Variants in NXPE4 observed in about 807,000 individuals in gnomAD.
NXPE4 encodes the protein NXPE family member 4.
In NXPE4, 42 loss-of-function variants were observed where a neutral mutation model predicts 33.3. The ratio of observed to expected loss-of-function variants is 1.26; its 90% CI spans 0.98 to 1.63. The LOEUF (loss-of-function observed/expected upper bound fraction) is 1.63, where lower values mean the gene tolerates loss of function less well. Ranked by LOEUF, NXPE4 falls within the 40% of genes most tolerant of loss-of-function variation. The probability of loss-of-function intolerance (pLI) is 0.00; values close to 1 mark genes in which losing one functional copy is unlikely to be tolerated. For missense variants in NXPE4, 709 were observed against 647.6 expected (o/e 1.09, Z -1.03); for synonymous variants, 253 against 234.9 (o/e 1.08, Z -0.71).
At chr11:114,651,691 C>T in the NXPE4 span, among the ~76,000 whole-genome samples, 2 of 152,140 alleles carry the variant, frequency 1.3e-5, no homozygotes, top group Admixed American at 6.5e-5. Flanking sequence ...TCTGTTTTTA[C>T]AGAGTGTTGA....
At position 114,582,632 on chromosome 11, in the gene NXPE4, G is replaced by T. The variant is rs1565333264; in HGVS notation, c.486C>A (p.Thr162=). The change falls in exon 3 of 6, where the codon ACC becomes ACA. Residue 162 remains threonine, a synonymous_variant. Coordinates refer to ENST00000375478, the MANE Select transcript of NXPE4 (RefSeq NM_001077639.2). ...AGAACAGAGTGAAGCTGACCAGGTAGGTGCCGTTGTTGAAGTCAGTCACCT... is the reference window on the plus strand; with the variant it reads ...AGAACAGAGTGAAGCTGACCAGGTATGTGCCGTTGTTGAAGTCAGTCACCT... ...SGKVTDFNNG[T]YLVSFTLFWE... 1 of 1,614,180 alleles carries T rather than the reference G, an allele frequency of 6.2e-7. No homozygotes were observed. Among genetic ancestry groups the T allele is most frequent in the Non-Finnish European group, 8.5e-7 (1 of 1,180,024 alleles).
At chr11:114,582,010 A>G (rs971480039) in intron 3 of NXPE4, among the ~76,000 whole-genome samples, 4 of 152,248 alleles carry the variant, frequency 2.6e-5, no homozygotes, top group African/African-American at 9.6e-5. Context: ...GAAATAATGT[A>G]TTAGAGCACA....
At chr11:114,657,458 A>T in the NXPE4 span, among the ~76,000 whole-genome samples, 1 of 152,230 alleles carries the variant, frequency 6.6e-6, no homozygotes, top group African/African-American at 2.4e-5. Flanking sequence ...TAACAATGGA[A>T]ATCACAGTAT....
the NXPE4 span, among the ~76,000 whole-genome samples, chr11:114,663,683 T>TATCTATCC: frequency 7.7e-6 from 1 of 130,672 alleles, no homozygotes; most frequent in Non-Finnish European, 1.6e-5. Context: ...TCTATTTATC[T>TATCTATCC]ATCTATCTAT....
chr11:114,668,522 G>A, the NXPE4 span, among the ~76,000 whole-genome samples: 1 of 152,088 alleles, frequency 6.6e-6, no homozygotes, highest in African/African-American at 2.4e-5. Flanking sequence ...GGTACACACA[G>A]AAGGAACCTC....
At chr11:114,625,375 C>A in the NXPE4 span, among the ~76,000 whole-genome samples, 1 of 152,076 alleles carries the variant, frequency 6.6e-6, no homozygotes, top group African/African-American at 2.4e-5. Context: ...TCTTGGGTAA[C>A]CACTGTTACC....
chr11:114,659,683 G>A, the NXPE4 span, among the ~76,000 whole-genome samples: 4 of 151,802 alleles, frequency 2.6e-5, no homozygotes, highest in African/African-American at 9.7e-5. Flanking sequence ...AGTGTTTGAG[G>A]GATAAGTTGT....
the NXPE4 span, among the ~76,000 whole-genome samples, chr11:114,626,378 G>A: frequency 5.9e-5 from 9 of 152,174 alleles, no homozygotes; most frequent in Non-Finnish European, 1.2e-4. Context: ...CCTGACCCCC[G>A]AGCAGCCTAA....
At chr11:114,652,175 G>A in the NXPE4 span, among the ~76,000 whole-genome samples, 1 of 152,196 alleles carries the variant, frequency 6.6e-6, no homozygotes, top group Admixed American at 6.5e-5. Context: ...AGATAAGCAG[G>A]GAGAGAAGGG....
chr11:114,615,458 G>A, the NXPE4 span, among the ~76,000 whole-genome samples: 1 of 152,002 alleles, frequency 6.6e-6, no homozygotes, highest in African/African-American at 2.4e-5. Context: ...GTTACCCAGT[G>A]GATAATAAGT....
chr11:114,591,174 A>C (rs1949443240), intron 2 of NXPE4, among the ~76,000 whole-genome samples: 1 of 152,162 alleles, frequency 6.6e-6, no homozygotes, highest in Non-Finnish European at 1.5e-5. Flanking sequence ...TTGAAAGTGC[A>C]CCTCTCTATC....
the NXPE4 span, among the ~76,000 whole-genome samples, chr11:114,629,603 A>G: frequency 1.3e-5 from 2 of 152,130 alleles, no homozygotes; most frequent in Non-Finnish European, 1.5e-5. Context: ...CCCTTTGAAA[A>G]CTGGCACAAG....
At chr11:114,613,174 G>C in the NXPE4 span, among the ~76,000 whole-genome samples, 12 of 151,624 alleles carry the variant, frequency 7.9e-5, no homozygotes, top group African/African-American at 1.9e-4. Flanking sequence ...TGGATAATTA[G>C]TGTTGCCTCT....
At chr11:114,574,348 T>A (rs1591326825) in intron 5 of NXPE4, among the ~76,000 whole-genome samples, 1 of 149,800 alleles carries the variant, frequency 6.7e-6, no homozygotes, top group Non-Finnish European at 1.5e-5. Flanking sequence ...GAAAAAAAAA[T>A]AATGAAGATC....
At chr11:114,653,746 T>A in the NXPE4 span, among the ~76,000 whole-genome samples, 2 of 152,000 alleles carry the variant, frequency 1.3e-5, no homozygotes, top group African/African-American at 4.8e-5. Flanking sequence ...GCCAGGATGG[T>A]CTTGATCTCC....
chr11:114,588,533 G>A (rs1221500279), intron 2 of NXPE4, among the ~76,000 whole-genome samples: 2 of 152,054 alleles, frequency 1.3e-5, no homozygotes, highest in Non-Finnish European at 2.9e-5. Context: ...TCCTATAGTA[G>A]GCCAAAAGGG....
chr11:114,619,827 T>C, the NXPE4 span, among the ~76,000 whole-genome samples: 1 of 152,040 alleles, frequency 6.6e-6, no homozygotes, highest in Non-Finnish European at 1.5e-5. Flanking sequence ...TTATAATAAG[T>C]GTTGCCTCGT....
At chr11:114,636,871 G>C in the NXPE4 span, among the ~76,000 whole-genome samples, 4 of 152,102 alleles carry the variant, frequency 2.6e-5, no homozygotes, top group African/African-American at 9.6e-5. Flanking sequence ...CTGAGGAGAG[G>C]TTTATTTCCA....
At position 114,580,160 on chromosome 11, in the gene NXPE4, C is replaced by G. The variant is rs748352424; in HGVS notation, c.1071G>C (p.Trp357Cys). ...YLMGDSTIRQ[W>C]MEYFKASINT... Reference sequence around the variant, plus strand: ...TGATACTGGCTTTGAAGTATTCCATCCACTGGCGGATCGTGGAATCTCCCA... The same window carrying G: ...TGATACTGGCTTTGAAGTATTCCATGCACTGGCGGATCGTGGAATCTCCCA... The change falls in exon 5 of 6, where the codon TGG (tryptophan) becomes TGC (cysteine). Residue 357 changes from tryptophan to cysteine, a missense_variant. Coordinates refer to ENST00000375478, the MANE Select transcript of NXPE4 (RefSeq NM_001077639.2). The G allele has an allele frequency of 1.2e-6, 2 of 1,614,016 alleles. No individual in the cohort carries two copies. The highest frequency in any genetic ancestry group is 2.2e-5 in the South Asian group (2 of 91,072).
Sources: allele counts gnomAD v4.1 joint callset (sites outside exome capture counted in the v4.1 genomes callset), GRCh38; gene constraint gnomAD v4.1.1; transcripts MANE v1.5; gene names NCBI Gene and HGNC (gene_info 2026-07-23, HGNC 2026-07-21).